KIF15: variants seen among roughly 807,000 people sequenced by gnomAD.
The protein encoded by KIF15 is kinesin-like protein KIF15.
In KIF15, 140 loss-of-function variants were observed where a neutral mutation model predicts 190.6. The observed-to-expected ratio is 0.73, with a 90% confidence interval of 0.64 to 0.84. KIF15 has a LOEUF of 0.84. KIF15 is among the 40% of genes least tolerant of loss of function. The pLI is 0.00. For synonymous variants in KIF15, 528 were observed against 551.3 expected (o/e 0.96, Z 0.59); for missense variants, 1,372 against 1,584.4 (o/e 0.87, Z 2.28).
intron 7 of KIF15, among the ~76,000 whole-genome samples, chr3:44,789,027 A>G (rs1177849336): frequency 3.9e-5 from 6 of 152,060 alleles, no homozygotes; most frequent in Admixed American, 2.0e-4. Context: ...CATTTTTACA[A>G]TCTTTGCCAT....
chr3:44,831,112 T>C (rs1420133422), intron 26 of KIF15, 94 bp downstream of exon 26: 16 of 1,370,262 alleles, frequency 1.2e-5, no homozygotes, highest in Non-Finnish European at 1.6e-5. Context: ...AAATACAGGA[T>C]TTTTAAAGAA....
chr3:44,855,629 C>A (rs1360958346), downstream of KIF15, among the ~76,000 whole-genome samples: 1 of 152,044 alleles, frequency 6.6e-6, no homozygotes, highest in Non-Finnish European at 1.5e-5. Context: ...GCGTGGGAAC[C>A]TACAGTGGGA....
chr3:44,823,235 T>C (rs1461978694), intron 20 of KIF15, among the ~76,000 whole-genome samples: 1 of 152,208 alleles, frequency 6.6e-6, no homozygotes, highest in African/African-American at 2.4e-5. Flanking sequence ...TTCCTTTCTG[T>C]TTGTTAGTTT....
chr3:44,780,009 T>C (rs897826871), intron 4 of KIF15, among the ~76,000 whole-genome samples: 6 of 152,086 alleles, frequency 3.9e-5, no homozygotes, highest in African/African-American at 1.4e-4. Flanking sequence ...TTTTCTGTTT[T>C]TGCTGTGAAT....
In KIF15 at chr3:44,865,990, C is replaced by T. The variant is rs75320993; in HGVS notation, c.*60-7339C>T. Among the ~76,000 whole-genome samples the T allele has an allele frequency of 6.6e-3, 1,001 of 152,196 alleles. 4 individuals are homozygous for T. Among genetic ancestry groups the T allele is most frequent in the Non-Finnish European group, 0.011 (720 of 67,998 alleles). On this transcript the variant is annotated intron_variant and NMD_transcript_variant, in intron 6 of 6. Coordinates refer to the KIF15 transcript ENST00000422209. ...ATTCCCTGCCACTCTGTTCCTCTAG[C>T]GTTTACCTTTAGGGCTCTTCTGTCA...
Position 44,797,691 on chromosome 3 carries a change from T to G in KIF15, c.975+15T>G, listed in dbSNP as rs1326471186. 6.2e-7 allele frequency: 1 copy of G among 1,612,632 alleles called. No homozygotes were observed. Among genetic ancestry groups the G allele is most frequent in the East Asian group, 2.2e-5 (1 of 44,860 alleles). ...TCTTACTACGGGTAAAGTAGATCCT[T>G]GGGTTCCTGGGCTCCTTTTGGTTAT... On this transcript the variant is annotated intron_variant, in intron 9 of 34. Transcript: ENST00000326047.
At position 44,794,489 on chromosome 3, in the gene KIF15, T is replaced by A. The variant is rs1018511441; in HGVS notation, c.849+63T>A. 4.8e-6 allele frequency: 6 copies of A among 1,244,590 alleles called. No homozygotes were observed. In the Admixed American group the frequency reaches 1.3e-4, roughly 27 times the overall value. The allele number at this position is 1,244,590 out of a possible 1,614,324, so 77.1% of individuals were successfully genotyped here. On this transcript the variant is annotated intron_variant, in intron 8 of 34. Coordinates refer to ENST00000326047, the MANE Select transcript of KIF15 (RefSeq NM_020242.3). ...TTCTTACTAGCAGTCAATACAGTCG[T>A]GATGCATGACAGTGTCTCAGTCAAT... is the stretch of plus-strand genomic sequence containing the variant.
At chr3:44,802,685 TG>T in intron 13 of KIF15, 128 bp from the exon 14 acceptor site, 1 of 822,778 alleles carries the variant, frequency 1.2e-6, no homozygotes, top group Non-Finnish European at 1.9e-6. Flanking sequence ...TTGCTTTCCA[TG>T]GTGGTTGCAG....
chr3:44,852,032 G>A (rs1043773184), intron 33 of KIF15, 80 bp downstream of exon 33: 3 of 1,503,218 alleles, frequency 2.0e-6, no homozygotes, highest in Non-Finnish European at 2.7e-6. Context: ...CTCACTTTGT[G>A]ATTGGGTGTC....
At chr3:44,782,122 T>C (rs1706196070) in intron 5 of KIF15, among the ~76,000 whole-genome samples, 1 of 152,188 alleles carries the variant, frequency 6.6e-6, no homozygotes. Context: ...CAATCTTGGC[T>C]CACTGCAACC....
intron 20 of KIF15, among the ~76,000 whole-genome samples, chr3:44,821,773 G>A (rs1288129204): frequency 2.6e-5 from 4 of 152,222 alleles, no homozygotes; most frequent in East Asian, 1.9e-4. Flanking sequence ...CAAGGCAGGC[G>A]GCTGGGAGGT....
At position 44,805,835 on chromosome 3, in the gene KIF15, T is replaced by C. The variant is rs1323497511; in HGVS notation, c.1830-10T>C. 3.1e-6 allele frequency: 5 copies of C among 1,608,116 alleles called. No individual in the cohort carries two copies. The African/African-American group carries it at 5.4e-5, about 17-fold the overall frequency. On this transcript the variant is annotated splice_polypyrimidine_tract_variant and intron_variant, in intron 15 of 34. Coordinates refer to ENST00000326047, the MANE Select transcript of KIF15 (RefSeq NM_020242.3). ...TTACCTGAAATACTCCGTTTTACAA[T>C]ATCTATTAGGAAAAGGCAGCTAGAA...
intron 20 of KIF15, among the ~76,000 whole-genome samples, chr3:44,822,016 C>T (rs534241465): frequency 5.3e-4 from 81 of 152,242 alleles, no homozygotes; most frequent in African/African-American, 1.8e-3. Flanking sequence ...TGCAGGCACT[C>T]GGCAAGCTGA....
At chr3:44,782,631 T>C (rs1001580496) in intron 5 of KIF15, among the ~76,000 whole-genome samples, 2 of 152,146 alleles carry the variant, frequency 1.3e-5, no homozygotes, top group Non-Finnish European at 2.9e-5. Context: ...TGAATTAAAA[T>C]AAAGCAATGT....
chr3:44,801,953 G>A lies in KIF15; in HGVS notation c.1488G>A (p.Glu496=). Residue 496 remains glutamate (E), a synonymous_variant, in exon 13 of 35, where the codon GAG becomes GAA. Coordinates refer to ENST00000326047, the MANE Select transcript of KIF15 (RefSeq NM_020242.3). ...GTTTGCTCTCAGAATTAAGGAATGA[G>A]ATTCAAACTCTGCGAGAACAAGTGA... The part of the protein sequence containing the change: ...QDRLLSELRN[E]IQTLREQIEH... 1.2e-6 allele frequency: 2 copies of A among 1,611,030 alleles called. No homozygotes were observed. The highest frequency in any genetic ancestry group is 1.7e-6 in the Non-Finnish European group (2 of 1,177,638).
rs369073931 is a variant in KIF15, at chr3:44,843,181, A to G, written c.3642A>G (p.Lys1214=). The change falls in exon 30 of 35, where the codon AAA becomes AAG. Residue 1214 remains lysine (K), a synonymous_variant. Coordinates refer to ENST00000326047, the MANE Select transcript of KIF15 (RefSeq NM_020242.3). ...LRLESQQLIE[K]NWLLQGQLDD... ...TGGAAAGTCAGCAGTTAATAGAGAA[A>G]AACTGGCTCCTGCAAGGTCAGCTGG... is the stretch of plus-strand genomic sequence containing the variant. The G allele has an allele frequency of 6.2e-7, 1 of 1,613,722 alleles. No homozygotes were observed. Among genetic ancestry groups the G allele is most frequent in the Non-Finnish European group, 8.5e-7 (1 of 1,179,824 alleles).
At chr3:44,855,783 G>A (rs182061663), downstream of KIF15, among the ~76,000 whole-genome samples, 6 of 152,256 alleles carry the variant, frequency 3.9e-5, no homozygotes, top group Non-Finnish European at 7.4e-5. Flanking sequence ...GTCCAAATAA[G>A]AGAAGGAGAA....
Position 44,813,176 on chromosome 3 carries a change from T to G in KIF15, c.2379T>G (p.Asn793Lys). The G allele has an allele frequency of 6.4e-7, 1 of 1,565,332 alleles. No homozygotes were observed. Among genetic ancestry groups the G allele is most frequent in the Non-Finnish European group, 8.7e-7 (1 of 1,145,960 alleles). ...EKQLQETQTKNDFLKSEVHDL... is the reference protein window; with the variant it reads ...EKQLQETQTKKDFLKSEVHDL... ...AGCTTCAAGAGACTCAAACTAAAAA[T>G]GACTGTAAGTTATTCTATCAGGAGC... is the stretch of plus-strand genomic sequence containing the variant. Residue 793 changes from asparagine (N) to lysine (K), a missense_variant, in exon 19 of 35, where the codon AAT becomes AAG. Coordinates refer to ENST00000326047, the MANE Select transcript of KIF15 (RefSeq NM_020242.3).
rs770111051 is a variant in KIF15, at chr3:44,828,219, A to G, written c.2862A>G (p.Ala954=). The G allele has an allele frequency of 1.2e-6, 2 of 1,611,994 alleles. No homozygotes were observed. The highest frequency in any genetic ancestry group is 8.5e-7 in the Non-Finnish European group (1 of 1,178,316). ...ATATTTCTTTTTCACCATAGATGGC[A>G]AAAGTACAGAAACTAGAAGAGAGCT... ...KETAKCEQQM[A]KVQKLEESLL... The change falls in exon 24 of 35, where the codon GCA becomes GCG. Residue 954 remains alanine, a synonymous_variant. Coordinates refer to ENST00000326047, the MANE Select transcript of KIF15 (RefSeq NM_020242.3).
Sources: gnomAD v4.1 joint callset for allele counts (sites outside exome capture counted in the v4.1 genomes callset) on GRCh38, gnomAD v4.1.1 for gene constraint, MANE v1.5 for transcripts, NCBI Gene and HGNC (gene_info 2026-07-23, HGNC 2026-07-21) for gene names.